Variants in FAM193A observed in about 807,000 individuals in gnomAD.
FAM193A encodes the protein family with sequence similarity 193 member A.
Under a neutral mutation model 126.5 loss-of-function variants are expected in FAM193A, and 22 were observed. The ratio of observed to expected loss-of-function variants is 0.17; its 90% CI spans 0.12 to 0.25. The LOEUF is 0.25. FAM193A is among the 10% of genes least tolerant of loss of function. The pLI is 1.00. For synonymous variants in FAM193A, 761 were observed against 646.8 expected (o/e 1.18, Z -2.68); for missense variants, 1,675 against 1,672.8 (o/e 1.00, Z -0.02).
chr4:2,563,080 G>C (rs898515877), intron 1 of FAM193A, among the ~76,000 whole-genome samples: 2 of 151,850 alleles, frequency 1.3e-5, no homozygotes, highest in Non-Finnish European at 2.9e-5. Flanking sequence ...AAGTAACTGG[G>C]ATTACAGGCG....
chr4:2,585,729 C>T (rs555715183), intron 1 of FAM193A, among the ~76,000 whole-genome samples: 2 of 152,124 alleles, frequency 1.3e-5, no homozygotes, highest in South Asian at 2.1e-4. Context: ...GCGTTCAAGA[C>T]GAGCCTGGCC....
intron 12 of FAM193A, among the ~76,000 whole-genome samples, chr4:2,664,201 T>G (rs940972932): frequency 2.0e-5 from 3 of 152,212 alleles, no homozygotes; most frequent in Non-Finnish European, 4.4e-5. Flanking sequence ...CACAAAACTG[T>G]TTTCTTTTAG....
intron 19 of FAM193A, 133 bp from the exon 20 acceptor site, chr4:2,715,889 TA>T: frequency 1.5e-6 from 1 of 684,746 alleles, no homozygotes; most frequent in Non-Finnish European, 2.6e-6. Context: ...ATCTGTCCTC[TA>T]AAATCTCATT....
At chr4:2,623,565 A>T (rs1444460889) in intron 2 of FAM193A, among the ~76,000 whole-genome samples, 1 of 152,192 alleles carries the variant, frequency 6.6e-6, no homozygotes, top group Non-Finnish European at 1.5e-5. Flanking sequence ...TGTCTGTGTG[A>T]CCCAACTCCA....
intron 1 of FAM193A, among the ~76,000 whole-genome samples, chr4:2,549,076 TA>T (rs71178474): frequency 0.98 from 149,296 of 151,616 alleles, 73,543 homozygotes; most frequent in Middle Eastern, 1. Flanking sequence ...TAGCTGGAAT[TA>T]ACAGGCGTGT....
chr4:2,680,921 C>T (rs909638250), intron 13 of FAM193A, among the ~76,000 whole-genome samples: 1 of 152,192 alleles, frequency 6.6e-6, no homozygotes, highest in African/African-American at 2.4e-5. Flanking sequence ...GGATTACAGG[C>T]GTGAGCTACA....
At position 2,594,820 on chromosome 4, in the gene FAM193A, C is replaced by CTTTTTTTTT. The variant is rs386399069; in HGVS notation, c.256-1246_256-1238dup. 2.7e-4 allele frequency among the ~76,000 whole-genome samples: 17 copies of CTTTTTTTTT among 62,232 alleles called. 1 individual carries two copies. The highest frequency in any genetic ancestry group is 7.1e-4 in the African/African-American group (9 of 12,710). The allele number at this position is 62,232 out of a possible 152,430, so 40.8% of individuals were successfully genotyped here. ...GTTTCTTTCTTTTTCTTTTCTTTTCCTTTTTTTTTTTTTTTTTTTTTTTTT... is the reference window on the plus strand; with the variant it reads ...GTTTCTTTCTTTTTCTTTTCTTTTCCTTTTTTTTTTTTTTTTTTTTTTTTTTTTTTTTTT... On this transcript the variant is annotated intron_variant, in intron 1 of 20. Transcript: ENST00000637812.
At chr4:2,608,620 G>T (rs1332174067) in intron 2 of FAM193A, among the ~76,000 whole-genome samples, 2 of 152,018 alleles carry the variant, frequency 1.3e-5, no homozygotes, top group South Asian at 4.1e-4. Flanking sequence ...GGTGTGCCTC[G>T]GCACACTGTT....
chr4:2,724,104 A>G lies in FAM193A; in HGVS notation c.4455-7671A>G, dbSNP rs144861508. ...TTATCTCTTATTAATACTACATGAA[A>G]TCTTATTGAAAAGAGAAAACCAGTT... On this transcript the variant is annotated intron_variant, in intron 20 of 20. Transcript: ENST00000637812. 7.3e-3 allele frequency among the ~76,000 whole-genome samples: 1,106 copies of G among 152,136 alleles called. 10 individuals are homozygous for G. The highest frequency in any genetic ancestry group is 0.012 in the Non-Finnish European group (808 of 68,010).
intron 2 of FAM193A, among the ~76,000 whole-genome samples, chr4:2,624,462 G>A (rs2108973934): frequency 6.6e-6 from 1 of 152,280 alleles, no homozygotes; most frequent in African/African-American, 2.4e-5. Context: ...TCTTTCTTAA[G>A]CCTCCTTGTT....
intron 1 of FAM193A, among the ~76,000 whole-genome samples, chr4:2,578,211 C>T (rs1049632314): frequency 1.4e-4 from 22 of 152,240 alleles, no homozygotes; most frequent in Non-Finnish European, 2.4e-4. Context: ...AGACCACAGG[C>T]GCATGCCACC....
intron 7 of FAM193A, among the ~76,000 whole-genome samples, chr4:2,649,221 A>C (rs115038282): frequency 0.029 from 4,346 of 151,700 alleles, 220 homozygotes; most frequent in African/African-American, 0.099. Flanking sequence ...AAAAAATTAA[A>C]AAATTAGCCA....
intron 1 of FAM193A, among the ~76,000 whole-genome samples, chr4:2,540,589 A>G (rs999285220): frequency 1.4e-4 from 22 of 152,086 alleles, no homozygotes; most frequent in African/African-American, 5.3e-4. Flanking sequence ...CTGAGCTTGC[A>G]GTGAGCCGAG....
intron 19 of FAM193A, among the ~76,000 whole-genome samples, chr4:2,714,501 C>G (rs1287107860): frequency 6.6e-6 from 1 of 152,076 alleles, no homozygotes; most frequent in Non-Finnish European, 1.5e-5. Flanking sequence ...GCCTTCATTC[C>G]TAGACCACCC....
At chr4:2,600,937 GT>G (rs1413120015) in intron 2 of FAM193A, among the ~76,000 whole-genome samples, 1 of 152,182 alleles carries the variant, frequency 6.6e-6, no homozygotes, top group African/African-American at 2.4e-5. Flanking sequence ...TGTCAGGTTA[GT>G]TTTGGTAAGT....
intron 19 of FAM193A, among the ~76,000 whole-genome samples, chr4:2,713,535 T>C (rs926887497): frequency 4.6e-5 from 7 of 152,178 alleles, no homozygotes; most frequent in African/African-American, 1.7e-4. Context: ...GCCTGCTGTG[T>C]TGGCATTAGG....
intron 20 of FAM193A, chr4:2,719,906 T>A (rs561038161): frequency 4.2e-5 from 10 of 238,428 alleles, no homozygotes; most frequent in South Asian, 3.6e-4. Context: ...TCCTCCCACC[T>A]CAGCCCTCCA....
intron 1 of FAM193A, among the ~76,000 whole-genome samples, chr4:2,538,277 C>G (rs1268008427): frequency 6.6e-6 from 1 of 151,674 alleles, no homozygotes; most frequent in East Asian, 1.9e-4. Context: ...TCTTGGCTCA[C>G]TGTAACCTCC....
chr4:2,664,549 A>T (rs74347226), intron 12 of FAM193A, among the ~76,000 whole-genome samples: 110,318 of 138,122 alleles, frequency 0.8, 42,998 homozygotes, highest in Middle Eastern at 0.87. Context: ...CTCTCTCTCT[A>T]TTTTCTTTCT....
Sources: allele counts gnomAD v4.1 joint callset (sites outside exome capture counted in the v4.1 genomes callset), GRCh38; gene constraint gnomAD v4.1.1; transcripts MANE v1.5; gene names NCBI Gene and HGNC (gene_info 2026-07-23, HGNC 2026-07-21).